NCOA7: variants seen among roughly 807,000 people sequenced by gnomAD.
NCOA7 encodes the protein nuclear receptor coactivator 7.
NCOA7 carries 45 observed loss-of-function variants against 104.3 expected under a neutral mutation model. The ratio of observed to expected loss-of-function variants is 0.43; its 90% CI spans 0.34 to 0.55. NCOA7 has a LOEUF of 0.55. Ranked by LOEUF, NCOA7 falls within the 20% of genes least tolerant of loss-of-function variation. The probability of loss-of-function intolerance (pLI) is 0.02; values close to 1 mark genes in which losing one functional copy is unlikely to be tolerated. For missense variants in NCOA7, 1,041 were observed against 1,119.7 expected (o/e 0.93, Z 1.00); for synonymous variants, 398 against 402.3 (o/e 0.99, Z 0.13).
intron 11 of NCOA7, chr6:125,919,228 A>C (rs1160357622): frequency 6.3e-7 from 1 of 1,587,412 alleles, no homozygotes; most frequent in Non-Finnish European, 8.6e-7. Context: ...AAACTCAATC[A>C]TGCAGGAAAC....
rs1445471802 is a variant in NCOA7, at chr6:125,921,026, A to G, written c.2328A>G (p.Leu776=). 3 of 1,613,810 alleles carry G rather than the reference A, an allele frequency of 1.9e-6. No individual in the cohort carries two copies. Among genetic ancestry groups the G allele is most frequent in the South Asian group, 1.1e-5 (1 of 91,082 alleles). ...AGGACGAAGAGGTGCTGCCTGTCCTACGGCCCCACAGCGCGCTCCTGGAGA... is the reference window on the plus strand; with the variant it reads ...AGGACGAAGAGGTGCTGCCTGTCCTGCGGCCCCACAGCGCGCTCCTGGAGA... The part of the protein sequence containing the change: ...EDEDEEVLPV[L]RPHSALLENM... The change falls in exon 12 of 16, where the codon CTA becomes CTG. Residue 776 remains leucine (L), a synonymous_variant. Transcript: ENST00000392477.
chr6:125,818,124 TTTC>T (rs1434435055), intron 2 of NCOA7, among the ~76,000 whole-genome samples: 2 of 151,844 alleles, frequency 1.3e-5, no homozygotes, highest in Non-Finnish European at 2.9e-5. Flanking sequence ...TTTCTTCTTC[TTTC>T]TTTTCTTTCT....
intron 10 of NCOA7, among the ~76,000 whole-genome samples, chr6:125,895,559 A>G (rs1257080408): frequency 1.3e-5 from 2 of 152,160 alleles, no homozygotes; most frequent in Non-Finnish European, 2.9e-5. Flanking sequence ...TTGGGTTGCT[A>G]TAAAGAAATA....
intron 10 of NCOA7, among the ~76,000 whole-genome samples, chr6:125,910,545 G>A (rs1238485032): frequency 6.6e-6 from 1 of 152,158 alleles, no homozygotes; most frequent in African/African-American, 2.4e-5. Context: ...ACTTTTAATA[G>A]GGAAGTTAAT....
chr6:125,874,470 G>A (rs1432227473), intron 3 of NCOA7, among the ~76,000 whole-genome samples: 1 of 152,084 alleles, frequency 6.6e-6, no homozygotes, highest in East Asian at 1.9e-4. Flanking sequence ...TTGTCATTAG[G>A]ATAAATTCCT....
chr6:125,859,423 A>T (rs1176811722), intron 3 of NCOA7, among the ~76,000 whole-genome samples: 1 of 152,214 alleles, frequency 6.6e-6, no homozygotes, highest in East Asian at 1.9e-4. Context: ...GTGTAAAACA[A>T]AAGTAATCCA....
In NCOA7 at chr6:125,890,800, C is replaced by T. The variant is rs764814017; in HGVS notation, c.2086C>T (p.Pro696Ser). The T allele has an allele frequency of 1.2e-6, 2 of 1,606,500 alleles. No individual in the cohort carries two copies. Among genetic ancestry groups the T allele is most frequent in the African/African-American group, 1.3e-5 (1 of 74,476 alleles). ...RKQPEYWFAVPRERVDHLYTF... is the reference protein window; with the variant it reads ...RKQPEYWFAVSRERVDHLYTF... Reference sequence around the variant, plus strand: ...GCAGCCAGAGTACTGGTTTGCTGTTCCTCGGGAGAGGTGAGTATGGGCTAC... The same window carrying T: ...GCAGCCAGAGTACTGGTTTGCTGTTTCTCGGGAGAGGTGAGTATGGGCTAC... The change falls in exon 10 of 16, where the codon CCT (proline) becomes TCT (serine). Residue 696 changes from proline (P) to serine (S), a missense_variant. Pro to Ser is a moderately conservative substitution (Grantham distance 74). This residue lies in a region of NCOA7 where 914 missense variants were observed against 942.7 expected (regional missense o/e 0.97). Coordinates refer to ENST00000392477, the MANE Select transcript of NCOA7 (RefSeq NM_181782.5).
intron 2 of NCOA7, among the ~76,000 whole-genome samples, chr6:125,835,857 T>C (rs1289803429): frequency 1.3e-5 from 2 of 152,244 alleles, no homozygotes; most frequent in East Asian, 1.9e-4. Flanking sequence ...TGTCAGGCAC[T>C]GTACTAGGCA....
chr6:125,813,702 G>A (rs559647908), intron 1 of NCOA7, among the ~76,000 whole-genome samples: 6 of 151,968 alleles, frequency 3.9e-5, no homozygotes, highest in East Asian at 1.9e-4. Context: ...CACCCACCTC[G>A]GCCTCCCAAA....
chr6:125,917,259 C>A (rs1268372311), intron 11 of NCOA7, among the ~76,000 whole-genome samples: 1 of 151,504 alleles, frequency 6.6e-6, no homozygotes, highest in Non-Finnish European at 1.5e-5. Context: ...GAAACACTGA[C>A]CTGTAGGGTA....
chr6:125,847,150 G>T (rs1483039524), intron 2 of NCOA7, among the ~76,000 whole-genome samples: 6 of 152,194 alleles, frequency 3.9e-5, no homozygotes, highest in Non-Finnish European at 8.8e-5. Context: ...TTGTGTGTGT[G>T]TGTATGTACC....
chr6:125,865,691 T>C (rs1782390930), intron 3 of NCOA7, among the ~76,000 whole-genome samples: 1 of 136,994 alleles, frequency 7.3e-6, no homozygotes, highest in Non-Finnish European at 1.5e-5. Flanking sequence ...ACAGGGTCTC[T>C]CTCTCTCTGT....
intron 2 of NCOA7, among the ~76,000 whole-genome samples, chr6:125,819,116 A>C (rs1342172224): frequency 1.3e-5 from 2 of 152,042 alleles, no homozygotes; most frequent in East Asian, 3.9e-4. Context: ...AGGAACACCT[A>C]GTTTTTCCTC....
intron 2 of NCOA7, among the ~76,000 whole-genome samples, chr6:125,846,400 A>G (rs773052945): frequency 6.6e-6 from 1 of 150,878 alleles, no homozygotes; most frequent in East Asian, 1.9e-4. Flanking sequence ...ACTTTAACAC[A>G]TTTCCTACTC....
At chr6:125,891,717 C>G (rs1301951697) in intron 10 of NCOA7, among the ~76,000 whole-genome samples, 1 of 152,098 alleles carries the variant, frequency 6.6e-6, no homozygotes, top group East Asian at 1.9e-4. Flanking sequence ...AATGATCATT[C>G]TTATTGGGAG....
chr6:125,875,904 T>C (rs890455704), intron 4 of NCOA7, among the ~76,000 whole-genome samples: 1 of 152,198 alleles, frequency 6.6e-6, no homozygotes, highest in Non-Finnish European at 1.5e-5. Flanking sequence ...AACTCCACAC[T>C]GTGTGCCATG....
intron 1 of NCOA7, among the ~76,000 whole-genome samples, chr6:125,793,914 T>C (rs1181309827): frequency 6.6e-6 from 1 of 152,198 alleles, no homozygotes; most frequent in Non-Finnish European, 1.5e-5. Context: ...CCAGAGAATA[T>C]GAATTTTCTG....
chr6:125,841,886 A>G (rs1047394104), intron 2 of NCOA7, among the ~76,000 whole-genome samples: 5 of 152,204 alleles, frequency 3.3e-5, no homozygotes, highest in African/African-American at 1.2e-4. Context: ...AAAATTTCAT[A>G]CCTGATATTA....
At chr6:125,831,186 C>A (rs1014873891) in intron 2 of NCOA7, among the ~76,000 whole-genome samples, 2 of 152,200 alleles carry the variant, frequency 1.3e-5, no homozygotes, top group Admixed American at 6.5e-5. Context: ...CCAGCTGTTT[C>A]CATCTTACCT....
Sources: allele counts gnomAD v4.1 joint callset (sites outside exome capture counted in the v4.1 genomes callset), GRCh38; gene constraint gnomAD v4.1.1; regional missense constraint gnomAD v4.1.1; transcripts MANE v1.5; gene names NCBI Gene and HGNC (gene_info 2026-07-23, HGNC 2026-07-21).